The following CPQ variants were observed in gnomAD, a reference collection of about 807,000 sequenced individuals.
The protein encoded by CPQ is Ser-Met dipeptidase.
CPQ carries 37 observed loss-of-function variants against 45.7 expected under a neutral mutation model. The ratio of observed to expected loss-of-function variants is 0.81; its 90% CI spans 0.62 to 1.07. CPQ has a LOEUF of 1.07. Among genes scored for constraint, CPQ ranks in the 50% least tolerant of loss-of-function variants. CPQ has a pLI of 0.00. For synonymous variants in CPQ, 186 were observed against 205.8 expected (o/e 0.90, Z 0.82); for missense variants, 537 against 572.9 (o/e 0.94, Z 0.64).
At chr8:96,873,274 T>C (rs1352775336) in intron 3 of CPQ, among the ~76,000 whole-genome samples, 1 of 151,830 alleles carries the variant, frequency 6.6e-6, no homozygotes. Flanking sequence ...GGAAGGAAAT[T>C]TAGTCCCATC....
chr8:97,048,906 C>T (rs1810306907), intron 6 of CPQ, among the ~76,000 whole-genome samples: 1 of 152,094 alleles, frequency 6.6e-6, no homozygotes, highest in Non-Finnish European at 1.5e-5. Context: ...CATTGAAAGG[C>T]TCTGTTTAAA....
chr8:96,887,517 C>G (rs1295879766), intron 4 of CPQ, among the ~76,000 whole-genome samples: 1 of 152,150 alleles, frequency 6.6e-6, no homozygotes, highest in African/African-American at 2.4e-5. Flanking sequence ...TTTCCACAAA[C>G]AGATGAACAA....
chr8:96,648,352 A>G (rs1815540526), intron 1 of CPQ, among the ~76,000 whole-genome samples: 1 of 152,174 alleles, frequency 6.6e-6, no homozygotes, highest in African/African-American at 2.4e-5. Context: ...CCCTGCAGCT[A>G]GAGCTTTAAA....
intron 1 of CPQ, among the ~76,000 whole-genome samples, chr8:96,760,185 A>G (rs1397813541): frequency 6.6e-6 from 1 of 152,180 alleles, no homozygotes; most frequent in Admixed American, 6.5e-5. Flanking sequence ...TGTGACTCCT[A>G]TGGCTCTGGG....
intron 5 of CPQ, among the ~76,000 whole-genome samples, chr8:96,989,581 G>C (rs1423238071): frequency 6.6e-6 from 1 of 152,116 alleles, no homozygotes; most frequent in East Asian, 1.9e-4. Context: ...AACCTGGACA[G>C]TGAGTCCTGG....
intron 4 of CPQ, among the ~76,000 whole-genome samples, chr8:96,923,846 G>A (rs958694021): frequency 2.6e-5 from 4 of 152,218 alleles, no homozygotes; most frequent in African/African-American, 4.8e-5. Context: ...GCATTAAGAT[G>A]TGAGAAACTG....
At chr8:96,861,671 C>T (rs1259223845) in intron 3 of CPQ, among the ~76,000 whole-genome samples, 1 of 152,060 alleles carries the variant, frequency 6.6e-6, no homozygotes, top group Non-Finnish European at 1.5e-5. Context: ...ATGTTTAAAT[C>T]CATATTTATT....
At chr8:96,968,485 A>T (rs1051830424) in intron 5 of CPQ, among the ~76,000 whole-genome samples, 2 of 152,246 alleles carry the variant, frequency 1.3e-5, no homozygotes, top group African/African-American at 4.8e-5. Context: ...AACTAGAAAT[A>T]TGCCCTTGGG....
chr8:96,843,664 A>T (rs1484240523), intron 3 of CPQ, among the ~76,000 whole-genome samples: 1 of 152,200 alleles, frequency 6.6e-6, no homozygotes, highest in Non-Finnish European at 1.5e-5. Context: ...GGCACACAGT[A>T]GTGCTGGAAT....
chr8:96,717,099 A>C (rs1809692554), intron 1 of CPQ, among the ~76,000 whole-genome samples: 1 of 137,742 alleles, frequency 7.3e-6, no homozygotes. Context: ...ACACACACAC[A>C]CACCACATTT....
chr8:96,712,617 A>G (rs1294525549), intron 1 of CPQ, among the ~76,000 whole-genome samples: 2 of 152,222 alleles, frequency 1.3e-5, no homozygotes, highest in African/African-American at 4.8e-5. Flanking sequence ...AGCTGTACTT[A>G]GCCTCCTTTT....
At chr8:97,079,524 T>A (rs1810911407) in intron 7 of CPQ, among the ~76,000 whole-genome samples, 1 of 152,182 alleles carries the variant, frequency 6.6e-6, no homozygotes, top group Non-Finnish European at 1.5e-5. Flanking sequence ...TCAGGGAGTT[T>A]CCTTTGCCCA....
intron 5 of CPQ, among the ~76,000 whole-genome samples, chr8:97,025,283 A>G (rs1809778654): frequency 6.6e-6 from 1 of 152,178 alleles, no homozygotes; most frequent in Non-Finnish European, 1.5e-5. Context: ...TCCTCAATGA[A>G]ATGAAAATGA....
rs1316861441 is a variant in CPQ, at chr8:97,009,652, T to TATCA, written c.962-19750_962-19749insTCAA. 1.2e-4 allele frequency among the ~76,000 whole-genome samples: 18 copies of TATCA among 152,358 alleles called. 1 individual carries two copies. In the South Asian group the frequency reaches 3.7e-3, roughly 32 times the overall value. Reference sequence around the variant, plus strand: ...TGGAAATGAGTCTTAAGCATGTCTATAGTATAGCTATATCATCCACATCTT... The same window carrying TATCA: ...TGGAAATGAGTCTTAAGCATGTCTATATCAAGTATAGCTATATCATCCACATCTT... On this transcript the variant is annotated intron_variant, in intron 5 of 7. Transcript: ENST00000220763.
chr8:96,718,066 G>A lies in CPQ; in HGVS notation c.-34-66798G>A, dbSNP rs551704766. ...TTTCTCCATGGAGACAGAAACCACT[G>A]TGCCCAGGCCATGCCCCTCCCAGCC... On this transcript the variant is annotated intron_variant, in intron 1 of 7. Coordinates refer to ENST00000220763, the MANE Select transcript of CPQ (RefSeq NM_016134.4). Among the ~76,000 whole-genome samples, 23 of 152,272 alleles carry A rather than the reference G, an allele frequency of 1.5e-4. 1 individual carries two copies. In the South Asian group the frequency reaches 4.8e-3, roughly 32 times the overall value.
intron 7 of CPQ, among the ~76,000 whole-genome samples, chr8:97,095,856 T>C (rs1002695895): frequency 1.3e-5 from 2 of 152,186 alleles, no homozygotes; most frequent in Non-Finnish European, 2.9e-5. Context: ...CCTCCTCTGT[T>C]TTCATAGTAA....
intron 4 of CPQ, among the ~76,000 whole-genome samples, chr8:96,922,018 T>G (rs932632273): frequency 6.6e-6 from 1 of 152,124 alleles, no homozygotes; most frequent in Non-Finnish European, 1.5e-5. Context: ...CACCAAAAAT[T>G]TTACTTTAAG....
At chr8:97,139,428 C>T (rs916331637) in intron 7 of CPQ, among the ~76,000 whole-genome samples, 1 of 152,038 alleles carries the variant, frequency 6.6e-6, no homozygotes, top group African/African-American at 2.4e-5. Context: ...AATGGACTTA[C>T]ACAGAGCACT....
chr8:96,740,121 A>G (rs1411090539), intron 1 of CPQ, among the ~76,000 whole-genome samples: 2 of 151,686 alleles, frequency 1.3e-5, no homozygotes, highest in Non-Finnish European at 2.9e-5. Context: ...ATTTGTTTGT[A>G]TCCTCTTTTA....
Sources: gnomAD v4.1 joint callset for allele counts (sites outside exome capture counted in the v4.1 genomes callset) on GRCh38, gnomAD v4.1.1 for gene constraint, MANE v1.5 for transcripts, NCBI Gene and HGNC (gene_info 2026-07-23, HGNC 2026-07-21) for gene names.